DOCK3: variants seen among roughly 807,000 people sequenced by gnomAD.
The protein encoded by DOCK3 is dedicator of cytokinesis protein 3.
Under a neutral mutation model 265.6 loss-of-function variants are expected in DOCK3, and 60 were observed. The observed-to-expected ratio is 0.23, with a 90% CI of 0.18 to 0.28. DOCK3 has a LOEUF of 0.28. Ranked by LOEUF, DOCK3 falls within the 10% of genes least tolerant of loss-of-function variation. The probability of loss-of-function intolerance (pLI) is 1.00; values close to 1 mark genes in which losing one functional copy is unlikely to be tolerated. For synonymous variants in DOCK3, 881 were observed against 938.0 expected (o/e 0.94, Z 1.11); for missense variants, 1,981 against 2,594.3 (o/e 0.76, Z 5.14).
At chr3:51,060,065 C>T (rs2081356464) in intron 5 of DOCK3, among the ~76,000 whole-genome samples, 1 of 152,100 alleles carries the variant, frequency 6.6e-6, no homozygotes, top group Non-Finnish European at 1.5e-5. Flanking sequence ...TTCTCCACTT[C>T]TTCCTCTCAC....
At chr3:51,274,558 G>C (rs761647294) in intron 24 of DOCK3, among the ~76,000 whole-genome samples, 1 of 152,062 alleles carries the variant, frequency 6.6e-6, no homozygotes, top group Admixed American at 6.6e-5. Flanking sequence ...AGGGAGGATC[G>C]CTTGAGCCCA....
chr3:50,996,961 C>T (rs775973240), intron 5 of DOCK3, among the ~76,000 whole-genome samples: 7 of 152,170 alleles, frequency 4.6e-5, no homozygotes, highest in Non-Finnish European at 8.8e-5. Flanking sequence ...TCTGCTATCT[C>T]GATTGTTCAT....
At chr3:50,743,318 T>G (rs373108592) in intron 1 of DOCK3, among the ~76,000 whole-genome samples, 17 of 152,222 alleles carry the variant, frequency 1.1e-4, no homozygotes, top group East Asian at 3.9e-4. Context: ...ACATCATCAT[T>G]ACAGGATCAA....
At position 51,382,753 on chromosome 3, in the gene DOCK3, G is replaced by A. The variant is rs1553619428; in HGVS notation, c.*1194G>A. 1 of 152,514 alleles carries A rather than the reference G, an allele frequency of 6.6e-6. No homozygotes were observed. The highest frequency in any genetic ancestry group is 2.4e-5 in the African/African-American group (1 of 41,426). The allele number at this position is 152,514 out of a possible 1,614,324, so 9.4% of individuals were successfully genotyped here. On this transcript the variant is annotated 3_prime_UTR_variant, in exon 53 of 53. Coordinates refer to ENST00000266037, the MANE Select transcript of DOCK3 (RefSeq NM_004947.5). ...CATGGGGACCACCACTCAGGGTTCG[G>A]GGCTGGCAGGAGGGTAGTTTCTCCA...
intron 12 of DOCK3, among the ~76,000 whole-genome samples, chr3:51,192,412 CA>C (rs1379945855): frequency 6.6e-6 from 1 of 151,784 alleles, no homozygotes; most frequent in Non-Finnish European, 1.5e-5. Flanking sequence ...AGAAAACTAA[CA>C]GGTCAATATC....
In DOCK3 at chr3:51,348,489, C is replaced by G. The variant is rs1179441867; in HGVS notation, c.3916-363C>G. On this transcript the variant is annotated intron_variant, in intron 38 of 52. Transcript: ENST00000266037. ...ACAAAATAAACAGGGTCCCTGCCCT[C>G]ATTCTGTTTCTCATCTGATTGAGAC... Among the ~76,000 whole-genome samples, 5 of 152,362 alleles carry G rather than the reference C, an allele frequency of 3.3e-5. No homozygotes were observed. The East Asian group carries it at 9.6e-4, about 29-fold the overall frequency.
chr3:50,743,538 G>T (rs907716907), intron 1 of DOCK3, among the ~76,000 whole-genome samples: 1 of 150,008 alleles, frequency 6.7e-6, no homozygotes, highest in African/African-American at 2.5e-5. Context: ...GGCAGGGGTT[G>T]CAATCCTAGT....
At chr3:51,364,886 C>T (rs1040825005) in intron 49 of DOCK3, among the ~76,000 whole-genome samples, 2 of 152,142 alleles carry the variant, frequency 1.3e-5, no homozygotes, top group Non-Finnish European at 2.9e-5. Context: ...GTTACTGTAG[C>T]CTTGTAGTAT....
At chr3:51,138,333 G>A (rs1205199070) in intron 9 of DOCK3, among the ~76,000 whole-genome samples, 2 of 152,058 alleles carry the variant, frequency 1.3e-5, no homozygotes, top group Non-Finnish European at 2.9e-5. Flanking sequence ...AAATAAACGG[G>A]TATATAAACA....
chr3:51,296,478 G>GT (rs1389891690), intron 27 of DOCK3, among the ~76,000 whole-genome samples: 8 of 150,664 alleles, frequency 5.3e-5, no homozygotes, highest in African/African-American at 2.0e-4. Flanking sequence ...TACTTAAATT[G>GT]GTTTTTTTTT....
chr3:51,128,151 C>A (rs962318876), intron 9 of DOCK3, among the ~76,000 whole-genome samples: 11 of 152,134 alleles, frequency 7.2e-5, no homozygotes, highest in African/African-American at 2.7e-4. Flanking sequence ...GACCTCTAGG[C>A]CAGCAGAATA....
chr3:51,357,192 C>G, intron 44 of DOCK3, 51 bp downstream of exon 44: 1 of 1,570,436 alleles, frequency 6.4e-7, no homozygotes, highest in Non-Finnish European at 8.6e-7. Flanking sequence ...GCCAGGAAGG[C>G]GGCTCACAGG....
chr3:51,032,411 T>C (rs2080088293), intron 5 of DOCK3, among the ~76,000 whole-genome samples: 1 of 152,196 alleles, frequency 6.6e-6, no homozygotes. Context: ...ATTGCACACA[T>C]TTAAAATATA....
chr3:51,137,086 T>C (rs982655077), intron 9 of DOCK3, among the ~76,000 whole-genome samples: 1 of 152,084 alleles, frequency 6.6e-6, no homozygotes, highest in Non-Finnish European at 1.5e-5. Flanking sequence ...ACCATAGCCC[T>C]GGACCATCGT....
intron 4 of DOCK3, among the ~76,000 whole-genome samples, chr3:50,925,162 C>CA (rs1345128066): frequency 6.6e-6 from 1 of 152,112 alleles, no homozygotes; most frequent in Non-Finnish European, 1.5e-5. Context: ...TGTAATTCAG[C>CA]AATCCTTAGG....
At chr3:51,023,329 G>A (rs1047170874) in intron 5 of DOCK3, among the ~76,000 whole-genome samples, 3 of 150,512 alleles carry the variant, frequency 2.0e-5, no homozygotes, top group Non-Finnish European at 4.4e-5. Flanking sequence ...CTCCTTGTTC[G>A]TCTATTGTTG....
At chr3:50,678,062 G>A (rs1323392619) in intron 1 of DOCK3, among the ~76,000 whole-genome samples, 1 of 151,688 alleles carries the variant, frequency 6.6e-6, no homozygotes, top group Non-Finnish European at 1.5e-5. Context: ...GGATCCCAAA[G>A]GTTGTTAATT....
chr3:50,823,617 T>TC (rs943474905), intron 2 of DOCK3, among the ~76,000 whole-genome samples: 1 of 151,982 alleles, frequency 6.6e-6, no homozygotes, highest in African/African-American at 2.4e-5. Flanking sequence ...TTCCCACCTT[T>TC]CCCCCCTTGC....
chr3:50,699,648 G>A (rs569080675), intron 1 of DOCK3, among the ~76,000 whole-genome samples: 1 of 152,040 alleles, frequency 6.6e-6, no homozygotes, highest in African/African-American at 2.4e-5. Context: ...TTAAGTGTAT[G>A]CACCATATGG....
Sources: gnomAD v4.1 joint callset for allele counts (sites outside exome capture counted in the v4.1 genomes callset) on GRCh38, gnomAD v4.1.1 for gene constraint, MANE v1.5 for transcripts, NCBI Gene and HGNC (gene_info 2026-07-23, HGNC 2026-07-21) for gene names.